Variants in ANKS1B observed in about 807,000 individuals in gnomAD.
ANKS1B encodes the protein ankyrin repeat and sterile alpha motif domain containing 1B.
Under a neutral mutation model 148.3 loss-of-function variants are expected in ANKS1B, and 36 were observed. The observed-to-expected ratio is 0.24, with a 90% CI of 0.19 to 0.32. The LOEUF (loss-of-function observed/expected upper bound fraction) is 0.32. ANKS1B is among the 10% of genes least tolerant of loss of function. ANKS1B has a pLI of 1.00. For synonymous variants in ANKS1B, 542 were observed against 560.8 expected (o/e 0.97, Z 0.47); for missense variants, 1,157 against 1,542.6 (o/e 0.75, Z 4.19).
At chr12:99,516,634 G>A (rs2096823966) in intron 9 of ANKS1B, among the ~76,000 whole-genome samples, 1 of 149,708 alleles carries the variant, frequency 6.7e-6, no homozygotes, top group African/African-American at 2.6e-5. Flanking sequence ...GCTAATGCAT[G>A]TGGGGCTTAA....
At chr12:99,614,869 T>C (rs1170727681) in intron 9 of ANKS1B, among the ~76,000 whole-genome samples, 3 of 146,078 alleles carry the variant, frequency 2.1e-5, no homozygotes, top group East Asian at 2.0e-4. Context: ...TCCTTTCGGT[T>C]CTCTTAATTA....
intron 10 of ANKS1B, among the ~76,000 whole-genome samples, chr12:99,488,488 G>GT (rs781266717): frequency 5.7e-4 from 87 of 152,180 alleles, no homozygotes; most frequent in Non-Finnish European, 1.0e-3. Context: ...TACCAGAAAT[G>GT]TTTTTTAACA....
intron 4 of ANKS1B, among the ~76,000 whole-genome samples, chr12:99,790,972 G>C (rs999775315): frequency 6.6e-6 from 1 of 151,916 alleles, no homozygotes; most frequent in Non-Finnish European, 1.5e-5. Flanking sequence ...CCAATCAAAA[G>C]ACATAGAGTG....
At chr12:99,134,200 A>C (rs1448544025) in intron 15 of ANKS1B, among the ~76,000 whole-genome samples, 1 of 152,190 alleles carries the variant, frequency 6.6e-6, no homozygotes, top group Non-Finnish European at 1.5e-5. Context: ...CAAGATGTGT[A>C]CTGAGCCCAT....
At chr12:99,832,331 T>C (rs2084137833) in intron 1 of ANKS1B, among the ~76,000 whole-genome samples, 1 of 152,266 alleles carries the variant, frequency 6.6e-6, no homozygotes, top group Non-Finnish European at 1.5e-5. Flanking sequence ...CTCATGCCTA[T>C]TATCTCAGCA....
At chr12:99,197,886 C>G (rs1039130982) in intron 14 of ANKS1B, among the ~76,000 whole-genome samples, 7 of 152,088 alleles carry the variant, frequency 4.6e-5, no homozygotes, top group Non-Finnish European at 8.8e-5. Flanking sequence ...GCTTCCAAGT[C>G]TATGGTAATT....
At chr12:99,151,345 T>C (rs1038059097) in intron 15 of ANKS1B, among the ~76,000 whole-genome samples, 7 of 152,008 alleles carry the variant, frequency 4.6e-5, no homozygotes, top group Non-Finnish European at 7.4e-5. Context: ...CTGGTCGACA[T>C]GGTGAAACCC....
At chr12:99,825,264 A>T in intron 2 of ANKS1B, 45 bp downstream of exon 2, 2 of 1,493,170 alleles carry the variant, frequency 1.3e-6, no homozygotes, top group South Asian at 1.2e-5. Context: ...ACTTCATCAC[A>T]TGTAACTAAA....
intron 10 of ANKS1B, among the ~76,000 whole-genome samples, chr12:99,480,256 T>C (rs1400931830): frequency 1.3e-5 from 2 of 151,906 alleles, no homozygotes; most frequent in Non-Finnish European, 2.9e-5. Flanking sequence ...AGCTCTTCCT[T>C]TCCTTGGAGC....
At chr12:99,077,067 A>G (rs2048108535) in intron 16 of ANKS1B, among the ~76,000 whole-genome samples, 1 of 152,154 alleles carries the variant, frequency 6.6e-6, no homozygotes, top group Admixed American at 6.5e-5. Flanking sequence ...AAAAAGCAAA[A>G]CAAAAAAAAC....
intron 16 of ANKS1B, among the ~76,000 whole-genome samples, chr12:99,078,269 G>T (rs1215513373): frequency 1.3e-5 from 2 of 152,114 alleles, no homozygotes; most frequent in Non-Finnish European, 2.9e-5. Context: ...TTCAAGTTTT[G>T]TCCAATAGAG....
chr12:99,718,289 C>T (rs1567709320), intron 8 of ANKS1B, among the ~76,000 whole-genome samples: 1 of 152,146 alleles, frequency 6.6e-6, no homozygotes, highest in Non-Finnish European at 1.5e-5. Flanking sequence ...TTATCTGCTT[C>T]CCTGACTATT....
intron 12 of ANKS1B, among the ~76,000 whole-genome samples, chr12:99,366,081 G>A (rs368595386): frequency 1.2e-4 from 19 of 152,308 alleles, no homozygotes; most frequent in African/African-American, 3.6e-4. Flanking sequence ...ATTACAGGGG[G>A]CAGCCCCCTC....
intron 1 of ANKS1B, among the ~76,000 whole-genome samples, chr12:99,912,625 T>G (rs2153788405): frequency 6.6e-6 from 1 of 152,320 alleles, no homozygotes; most frequent in South Asian, 2.1e-4. Flanking sequence ...GTACTGGGAT[T>G]ACAGGCGTGA....
chr12:99,058,964 C>T (rs957986327), intron 16 of ANKS1B, among the ~76,000 whole-genome samples: 1 of 151,530 alleles, frequency 6.6e-6, no homozygotes, highest in South Asian at 2.1e-4. Flanking sequence ...GTCTCGATCT[C>T]CTGACCTCGT....
At chr12:99,755,558 A>G (rs1330521647) in intron 8 of ANKS1B, among the ~76,000 whole-genome samples, 2 of 146,572 alleles carry the variant, frequency 1.4e-5, no homozygotes, top group East Asian at 4.0e-4. Context: ...AAAAATTCAC[A>G]CCAATATCCT....
At chr12:99,887,558 A>C (rs1405618346) in intron 1 of ANKS1B, among the ~76,000 whole-genome samples, 1 of 152,176 alleles carries the variant, frequency 6.6e-6, no homozygotes, top group Non-Finnish European at 1.5e-5. Context: ...TGTGGAGGCA[A>C]ACATTTAGGT....
intron 12 of ANKS1B, among the ~76,000 whole-genome samples, chr12:99,377,250 C>A (rs545993807): frequency 6.6e-6 from 1 of 152,234 alleles, no homozygotes; most frequent in Non-Finnish European, 1.5e-5. Flanking sequence ...TCGTGATCTG[C>A]CCGCCTCAGC....
chr12:99,883,477 TAA>T (rs929739541), intron 1 of ANKS1B, among the ~76,000 whole-genome samples: 18 of 152,328 alleles, frequency 1.2e-4, no homozygotes, highest in African/African-American at 4.1e-4. Context: ...AAAATCTTAG[TAA>T]CATTAGTTTA....
Sources: allele counts gnomAD v4.1 joint callset (sites outside exome capture counted in the v4.1 genomes callset), GRCh38; gene constraint gnomAD v4.1.1; transcripts MANE v1.5; gene names NCBI Gene and HGNC (gene_info 2026-07-23, HGNC 2026-07-21).